Variants in COL8A1 observed in about 807,000 individuals in gnomAD.
COL8A1 encodes collagen type VIII alpha 1 chain.
In COL8A1, 21 loss-of-function variants were observed where a neutral mutation model predicts 42.7. That is an observed-to-expected ratio of 0.49 (90% CI 0.35 to 0.71). The LOEUF (loss-of-function observed/expected upper bound fraction) is 0.71. Ranked by LOEUF, COL8A1 falls within the 30% of genes least tolerant of loss-of-function variation. COL8A1 has a pLI of 0.01. For synonymous variants in COL8A1, 367 were observed against 369.1 expected, an observed-to-expected ratio of 0.99 and a Z score of 0.06; for missense variants, 788 against 962.4, an observed-to-expected ratio of 0.82 and a Z score of 2.40.
intron 1 of COL8A1, among the ~76,000 whole-genome samples, chr3:99,658,135 A>C (rs922639332): frequency 2.0e-5 from 3 of 151,456 alleles, no homozygotes; most frequent in South Asian, 4.2e-4. Context: ...AAAACAAAAA[A>C]AAAAAAACAC....
intron 1 of COL8A1, among the ~76,000 whole-genome samples, chr3:99,647,195 T>C (rs938134615): frequency 6.6e-6 from 1 of 152,204 alleles, no homozygotes; most frequent in Non-Finnish European, 1.5e-5. Flanking sequence ...ATGACATATC[T>C]ACCCTGCCTG....
At chr3:99,682,953 T>C (rs1463550956) in intron 1 of COL8A1, among the ~76,000 whole-genome samples, 1 of 152,242 alleles carries the variant, frequency 6.6e-6, no homozygotes, top group Non-Finnish European at 1.5e-5. Flanking sequence ...GTGTGAAATA[T>C]GCCACGAAGT....
intron 1 of COL8A1, among the ~76,000 whole-genome samples, chr3:99,654,864 GGAA>G (rs897103604): frequency 2.0e-5 from 3 of 151,896 alleles, no homozygotes; most frequent in African/African-American, 7.3e-5. Flanking sequence ...TAAAAACAAA[GGAA>G]GAAGGACCAT....
In COL8A1 at chr3:99,701,538, G is replaced by A. The variant is rs563584030; in HGVS notation, c.-128-43359G>A. On this transcript the variant is annotated intron_variant, in intron 1 of 3. Transcript: ENST00000652472. Reference sequence around the variant, plus strand: ...TCCACTTCTTAGAACCCCAGAGTCTGTAATACAAAAATGGAAATTAGAGTA... The same window carrying A: ...TCCACTTCTTAGAACCCCAGAGTCTATAATACAAAAATGGAAATTAGAGTA... 2.6e-4 allele frequency among the ~76,000 whole-genome samples: 40 copies of A among 152,310 alleles called. 1 individual carries two copies. The South Asian group carries it at 8.1e-3, about 31-fold the overall frequency.
chr3:99,776,271 G>A lies in COL8A1; in HGVS notation c.-3-14409G>A, dbSNP rs147474206. ...AATCAGGGAAACCACAGGTAAAAGA[G>A]AAAAGGGGAAAAAACAGAAAGTCTG... On this transcript the variant is annotated intron_variant, in intron 2 of 3. Coordinates refer to ENST00000652472, the MANE Select transcript of COL8A1 (RefSeq NM_020351.4). Among the ~76,000 whole-genome samples, 978 of 152,246 alleles carry A rather than the reference G, an allele frequency of 6.4e-3. 12 individuals carry two copies. Among genetic ancestry groups the A allele is most frequent in the African/African-American group, 0.023 (940 of 41,566 alleles).
chr3:99,746,495 C>T (rs747306778), intron 2 of COL8A1, among the ~76,000 whole-genome samples: 3 of 152,114 alleles, frequency 2.0e-5, no homozygotes, highest in Non-Finnish European at 2.9e-5. Flanking sequence ...CAAAATCTTA[C>T]TGCCAAGGGC....
In COL8A1 at chr3:99,794,507, T is replaced by C. The variant is rs1256906003; in HGVS notation, c.606T>C (p.His202=). 1 of 1,613,892 alleles carries C rather than the reference T, an allele frequency of 6.2e-7. No individual in the cohort carries two copies. Among genetic ancestry groups the C allele is most frequent in the African/African-American group, 1.3e-5 (1 of 74,974 alleles). The change falls in exon 4 of 4, where the codon CAT becomes CAC. Residue 202 remains histidine, a synonymous_variant. Coordinates refer to ENST00000652472, the MANE Select transcript of COL8A1 (RefSeq NM_020351.4). This position sits in a 1 kb window ranked among gnomAD's most constrained non-coding sequence, Gnocchi z 4.3. ...IPGPQGPPGP[H]GLPGIGKPGG... ...GACCACAAGGACCTCCAGGGCCTCA[T>C]GGACTTCCTGGCATTGGGAAGCCAG...
At position 99,696,976 on chromosome 3, in the gene COL8A1, A is replaced by ATTTTTTT. The variant is rs34865022; in HGVS notation, c.-128-47899_-128-47893dup. Among the ~76,000 whole-genome samples the ATTTTTTT allele has an allele frequency of 5.6e-4, 49 of 88,058 alleles. 2 individuals carry two copies. The highest frequency in any genetic ancestry group is 8.5e-4 in the Non-Finnish European group (40 of 47,072). 57.8% of individuals were successfully genotyped at this position (88,058 alleles called of 152,430 possible). ...TAATCCCCACCGGAAATATACACAA[A>ATTTTTTT]TTTTTTTTTTTTTTTTTTTTTTTTT... On this transcript the variant is annotated intron_variant, in intron 1 of 3. Transcript: ENST00000652472.
chr3:99,638,684 G>A lies in COL8A1; in HGVS notation c.-129+20G>A, dbSNP rs1937443310. On this transcript the variant is annotated intron_variant, in intron 1 of 3. Coordinates refer to ENST00000652472, the MANE Select transcript of COL8A1 (RefSeq NM_020351.4). ...CTCAAGGTAAGACAGCACTTCTGCAGGCAGCTCACCTACCAGGGGTTGCTA... is the reference window on the plus strand; with the variant it reads ...CTCAAGGTAAGACAGCACTTCTGCAAGCAGCTCACCTACCAGGGGTTGCTA... 1 of 152,220 alleles carries A rather than the reference G, an allele frequency of 6.6e-6. No individual in the cohort carries two copies. Among genetic ancestry groups the A allele is most frequent in the Admixed American group, 6.5e-5 (1 of 15,276 alleles). The allele number at this position is 152,220 out of a possible 1,614,324, so 9.4% of individuals were successfully genotyped here. A position where few individuals can be genotyped will look rare whatever the true frequency, so the allele number is the denominator to read the frequency against.
At chr3:99,774,533 A>C (rs775734272) in intron 2 of COL8A1, among the ~76,000 whole-genome samples, 20 of 152,164 alleles carry the variant, frequency 1.3e-4, no homozygotes, top group Non-Finnish European at 2.4e-4. Flanking sequence ...GCCTAATCAC[A>C]TGCTGGGAGA....
chr3:99,771,998 G>A (rs1157027830), intron 2 of COL8A1, among the ~76,000 whole-genome samples: 1 of 152,174 alleles, frequency 6.6e-6, no homozygotes, highest in East Asian at 1.9e-4. Flanking sequence ...ACCTTCCAAT[G>A]TTGGTCTGTT....
In COL8A1 at chr3:99,794,478, C is replaced by G; in HGVS notation, c.577C>G (p.Pro193Ala). ...AGGGGAAATTGGGCCTATGGGGATC[C>G]CAGGACCACAAGGACCTCCAGGGCC... ...QKGEIGPMGI[P>A]GPQGPPGPHG... is the part of the protein sequence containing the mutation. Residue 193 changes from proline to alanine, a missense_variant, in exon 4 of 4, where the codon CCA becomes GCA. By Grantham distance (27) the Pro-to-Ala change is conservative. This residue lies in a region of COL8A1 where 421 missense variants were observed against 553.1 expected (regional missense o/e 0.76). Transcript: ENST00000652472. This position sits in a 1 kb window ranked among gnomAD's most constrained non-coding sequence, Gnocchi z 4.3. The G allele has an allele frequency of 1.2e-6, 2 of 1,614,002 alleles. No homozygotes were observed. The highest frequency in any genetic ancestry group is 8.5e-7 in the Non-Finnish European group (1 of 1,179,946).
chr3:99,683,595 A>C (rs1373351723), intron 1 of COL8A1, among the ~76,000 whole-genome samples: 1 of 152,104 alleles, frequency 6.6e-6, no homozygotes, highest in African/African-American at 2.4e-5. Context: ...GGACACGATA[A>C]ATTTTAGGGT....
At chr3:99,656,652 CT>C (rs1938031160) in intron 1 of COL8A1, among the ~76,000 whole-genome samples, 1 of 152,210 alleles carries the variant, frequency 6.6e-6, no homozygotes, top group Non-Finnish European at 1.5e-5. Context: ...GGCAGTCAGT[CT>C]TTCCCTGCTT....
rs1942105089 is a variant in COL8A1, at chr3:99,796,141, AAAAAAAC to A, written c.*16_*22del. 20 of 1,462,008 alleles carry A rather than the reference AAAAAAAC, an allele frequency of 1.4e-5. No homozygotes were observed. Among genetic ancestry groups the A allele is most frequent in the Non-Finnish European group, 1.7e-5 (19 of 1,102,546 alleles). The allele number at this position is 1,462,008 out of a possible 1,614,324, so 90.6% of individuals were successfully genotyped here. A position where few individuals can be genotyped will look rare whatever the true frequency, so the allele number is the denominator to read the frequency against. On this transcript the variant is annotated 3_prime_UTR_variant, in exon 4 of 4. Transcript: ENST00000652472. ...TATTTATTGTATCCCATGTAAAAAC[AAAAAAAC>A]AAAAAACAAAGAAAAGAAAGAGATT... is the stretch of plus-strand genomic sequence containing the variant.
chr3:99,752,011 ATCC>A (rs896547743), intron 2 of COL8A1, among the ~76,000 whole-genome samples: 9 of 152,264 alleles, frequency 5.9e-5, no homozygotes, highest in African/African-American at 1.9e-4. Context: ...TATTGCCAAA[ATCC>A]TCCTGATTTA....
chr3:99,638,690 T>A (rs1179273882), intron 1 of COL8A1, 26 bp downstream of exon 1: 1 of 152,164 alleles, frequency 6.6e-6, no homozygotes, highest in Non-Finnish European at 1.5e-5. Context: ...TGCAGGCAGC[T>A]CACCTACCAG....
intron 1 of COL8A1, chr3:99,691,919 C>T (rs942955137): frequency 3.3e-5 from 5 of 152,048 alleles, no homozygotes; most frequent in Non-Finnish European, 7.4e-5. Context: ...GTTAATGTTA[C>T]AACAAATGAA....
Position 99,641,210 on chromosome 3 carries a change from G to A in COL8A1, c.-129+2546G>A, listed in dbSNP as rs1937503425. ...TGGAGGAATCACAGAAGTGCCCTAG[G>A]AGAAAAGCAAGATTAGGAGCTCTGT... On this transcript the variant is annotated intron_variant, in intron 1 of 3. Transcript: ENST00000652472. 3.9e-5 allele frequency among the ~76,000 whole-genome samples: 6 copies of A among 152,234 alleles called. 1 individual carries two copies. The South Asian group carries it at 1.2e-3, about 32-fold the overall frequency.
Sources: allele counts gnomAD v4.1 joint callset (sites outside exome capture counted in the v4.1 genomes callset), GRCh38; gene constraint gnomAD v4.1.1; regional missense constraint gnomAD v4.1.1; non-coding constraint Gnocchi (gnomAD v3.1); transcripts MANE v1.5; gene names NCBI Gene and HGNC (gene_info 2026-07-23, HGNC 2026-07-21).